The following KIAA1217 variants were observed in gnomAD, a reference collection of about 807,000 sequenced individuals.
The protein encoded by KIAA1217 is sickle tail protein homolog.
A neutral mutation model predicts 163.9 loss-of-function variants in KIAA1217; 88 were observed. The ratio of observed to expected loss-of-function variants is 0.54; its 90% CI spans 0.45 to 0.64. KIAA1217 has a LOEUF of 0.64. KIAA1217 is among the 30% of genes least tolerant of loss of function. The pLI is 0.00. For synonymous variants in KIAA1217, 903 were observed against 923.1 expected (o/e 0.98, Z 0.39); for missense variants, 2,372 against 2,475.0 (o/e 0.96, Z 0.88).
At chr10:24,064,866 T>G (rs2060876258) in intron 2 of KIAA1217, among the ~76,000 whole-genome samples, 1 of 152,250 alleles carries the variant, frequency 6.6e-6, no homozygotes, top group Admixed American at 6.5e-5. Context: ...TGATTTAGTC[T>G]TGGGAGACTG....
chr10:24,332,561 C>A (rs1269133761), intron 2 of KIAA1217, among the ~76,000 whole-genome samples: 1 of 151,762 alleles, frequency 6.6e-6, no homozygotes, highest in Non-Finnish European at 1.5e-5. Context: ...ACTAATGCAT[C>A]CTCTCTCGGT....
At chr10:23,953,195 T>C (rs922755434) in intron 1 of KIAA1217, among the ~76,000 whole-genome samples, 7 of 152,240 alleles carry the variant, frequency 4.6e-5, no homozygotes, top group Non-Finnish European at 7.3e-5. Flanking sequence ...CAGCCCAATG[T>C]TCTAACAGTG....
intron 3 of KIAA1217, among the ~76,000 whole-genome samples, chr10:24,402,523 C>CAAAAAA (rs1173653514): frequency 3.2e-4 from 23 of 71,032 alleles, no homozygotes; most frequent in Non-Finnish European, 5.2e-4. Context: ...AAACAAAAAA[C>CAAAAAA]AAAACAAAAA....
At chr10:24,040,363 G>T (rs1253627159) in intron 2 of KIAA1217, among the ~76,000 whole-genome samples, 4 of 152,182 alleles carry the variant, frequency 2.6e-5, no homozygotes, top group East Asian at 1.9e-4. Context: ...AGTAGCCAAG[G>T]TTAGTTTCTT....
chr10:24,212,574 A>G (rs1564837755), intron 1 of KIAA1217, among the ~76,000 whole-genome samples: 1 of 152,320 alleles, frequency 6.6e-6, no homozygotes, highest in Non-Finnish European at 1.5e-5. Flanking sequence ...TAAAAATCCA[A>G]ATTAGATTTT....
chr10:24,249,801 C>T (rs192089686), intron 2 of KIAA1217, among the ~76,000 whole-genome samples: 225 of 152,250 alleles, frequency 1.5e-3, no homozygotes, highest in African/African-American at 5.1e-3. Flanking sequence ...ACAGTTCGTT[C>T]TTTAGACAAC....
At chr10:23,955,109 C>A (rs1345603249) in intron 1 of KIAA1217, among the ~76,000 whole-genome samples, 1 of 152,148 alleles carries the variant, frequency 6.6e-6, no homozygotes, top group Non-Finnish European at 1.5e-5. Flanking sequence ...ATCCACACAA[C>A]CACCTGATTG....
intron 2 of KIAA1217, among the ~76,000 whole-genome samples, chr10:24,369,796 A>G (rs541682010): frequency 5.3e-5 from 8 of 152,172 alleles, no homozygotes; most frequent in Non-Finnish European, 1.0e-4. Flanking sequence ...TGCATTCCTG[A>G]CTTTCTGAAT....
At chr10:24,027,555 T>G (rs1045895492) in intron 2 of KIAA1217, among the ~76,000 whole-genome samples, 3 of 152,114 alleles carry the variant, frequency 2.0e-5, no homozygotes, top group African/African-American at 7.2e-5. Flanking sequence ...TGAAACAATA[T>G]ATCTAGGAAC....
intron 2 of KIAA1217, among the ~76,000 whole-genome samples, chr10:24,361,154 G>A (rs879919367): frequency 1.3e-5 from 2 of 149,722 alleles, no homozygotes; most frequent in Non-Finnish European, 3.0e-5. Flanking sequence ...GAAACCACAT[G>A]CCACAAGCAC....
At chr10:24,253,334 C>T (rs2074769282) in intron 2 of KIAA1217, among the ~76,000 whole-genome samples, 1 of 152,166 alleles carries the variant, frequency 6.6e-6, no homozygotes, top group African/African-American at 2.4e-5. Flanking sequence ...GTCCTTCTAT[C>T]TCTGTGGCTG....
rs143714571 is a variant in KIAA1217 at position 23,744,924 on chromosome 10, C to T, written c.-321+49690C>T. Among the ~76,000 whole-genome samples, 22 of 152,164 alleles carry T rather than the reference C, an allele frequency of 1.4e-4. No individual in the cohort carries two copies. In the South Asian group the frequency reaches 1.5e-3, roughly 10 times the overall value. ...ACTTGGGTCTGTTAAGGCCTTTAAC[C>T]GACTGGATGAGGCCCAGCTCCATTA... On this transcript the variant is annotated intron_variant, in intron 1 of 18. Transcript: ENST00000376462.
intron 2 of KIAA1217, among the ~76,000 whole-genome samples, chr10:24,166,734 A>C (rs1421260665): frequency 2.0e-5 from 3 of 152,180 alleles, no homozygotes; most frequent in Admixed American, 6.5e-5. Flanking sequence ...CAAATTAAAA[A>C]ATTAAAAAGT....
At chr10:24,126,218 A>G (rs75438873) in intron 2 of KIAA1217, among the ~76,000 whole-genome samples, 1 of 152,172 alleles carries the variant, frequency 6.6e-6, no homozygotes, top group African/African-American at 2.4e-5. Context: ...ATCCTCTTAT[A>G]CAACTGCATT....
intron 1 of KIAA1217, among the ~76,000 whole-genome samples, chr10:23,939,605 T>A (rs1843670746): frequency 6.6e-6 from 1 of 152,016 alleles, no homozygotes; most frequent in Non-Finnish European, 1.5e-5. Context: ...CAATCCTACA[T>A]GTTTATATGC....
Position 23,929,064 on chromosome 10 carries a change from G to A in KIAA1217, c.-320-78161G>A, listed in dbSNP as rs76656117. On this transcript the variant is annotated intron_variant, in intron 1 of 18. Coordinates refer to the KIAA1217 transcript ENST00000376462. Reference sequence around the variant, plus strand: ...GTGCCAGGCAAGGCAGAAAGAAGAGGTACAAGATGAGGTGGTTATGCAGAG... The same window carrying A: ...GTGCCAGGCAAGGCAGAAAGAAGAGATACAAGATGAGGTGGTTATGCAGAG... Among the ~76,000 whole-genome samples the A allele has an allele frequency of 2.6e-5, 4 of 152,268 alleles. No homozygotes were observed. In the South Asian group the frequency reaches 8.3e-4, roughly 32 times the overall value.
At chr10:24,462,401 A>G (rs2132636485) in intron 5 of KIAA1217, among the ~76,000 whole-genome samples, 1 of 152,302 alleles carries the variant, frequency 6.6e-6, no homozygotes, top group East Asian at 1.9e-4. Flanking sequence ...CATGGCCAGA[A>G]ATCGAATAAG....
chr10:23,737,114 G>T (rs532113312), intron 1 of KIAA1217, among the ~76,000 whole-genome samples: 12 of 152,206 alleles, frequency 7.9e-5, no homozygotes, highest in African/African-American at 2.6e-4. Context: ...ATTTTATTAG[G>T]TATGTCTTGC....
chr10:24,292,705 A>G (rs1321254655), intron 2 of KIAA1217, among the ~76,000 whole-genome samples: 1 of 152,182 alleles, frequency 6.6e-6, no homozygotes, highest in African/African-American at 2.4e-5. Context: ...TGGTAAGGAA[A>G]AACTGCTGAG....
Sources: allele counts gnomAD v4.1 joint callset (sites outside exome capture counted in the v4.1 genomes callset), GRCh38; gene constraint gnomAD v4.1.1; transcripts MANE v1.5; gene names NCBI Gene and HGNC (gene_info 2026-07-23, HGNC 2026-07-21).